The following SLC9D1 variants were observed in gnomAD, a reference collection of about 807,000 sequenced individuals.
SLC9D1 encodes the protein solute carrier family 9 member D1.
At chr13:113,522,788 C>T in the SLC9D1 span, among the ~76,000 whole-genome samples, 7 of 152,004 alleles carry the variant, frequency 4.6e-5, no homozygotes, top group Admixed American at 2.0e-4. Flanking sequence ...TGCACCACCA[C>T]GCCCAGCTAA....
At chr13:113,519,338 G>A in the SLC9D1 span, among the ~76,000 whole-genome samples, 7 of 147,876 alleles carry the variant, frequency 4.7e-5, no homozygotes, top group African/African-American at 1.8e-4. Flanking sequence ...GAGCCACCGC[G>A]CCCAGCCGCT....
the SLC9D1 span, among the ~76,000 whole-genome samples, chr13:113,535,805 G>A: frequency 6.6e-6 from 1 of 152,082 alleles, no homozygotes; most frequent in African/African-American, 2.4e-5. The surrounding 1 kb of genome is among the most constrained non-coding windows in gnomAD (Gnocchi z 4.1). Context: ...GATGGCACTC[G>A]CTGTCTTCGC....
At chr13:113,538,346 C>T in the SLC9D1 span, among the ~76,000 whole-genome samples, 2 of 152,322 alleles carry the variant, frequency 1.3e-5, no homozygotes, top group Admixed American at 1.3e-4. Context: ...CTCTGCCCAC[C>T]TGCCCTCGGC....
chr13:113,497,971 A>G, the SLC9D1 span, among the ~76,000 whole-genome samples: 1 of 152,242 alleles, frequency 6.6e-6, no homozygotes, highest in East Asian at 1.9e-4. Context: ...TTTAGATAGT[A>G]GCTCCACATT....
At chr13:113,518,709 C>T in the SLC9D1 span, among the ~76,000 whole-genome samples, 9 of 152,250 alleles carry the variant, frequency 5.9e-5, no homozygotes, top group South Asian at 2.1e-4. Flanking sequence ...GGGTGAAAAT[C>T]GCTGATCTGT....
At chr13:113,545,577 C>G in the SLC9D1 span, among the ~76,000 whole-genome samples, 1 of 152,216 alleles carries the variant, frequency 6.6e-6, no homozygotes, top group Non-Finnish European at 1.5e-5. Context: ...ACCCCCACTC[C>G]GCCCCCAGGG....
At chr13:113,527,317 C>T in the SLC9D1 span, 1 of 152,202 alleles carries the variant, frequency 6.6e-6, no homozygotes, top group South Asian at 2.1e-4. Context: ...TAATCATTTC[C>T]TCTCTGTGTA....
the SLC9D1 span, among the ~76,000 whole-genome samples, chr13:113,537,167 A>G: frequency 1.3e-5 from 2 of 152,234 alleles, no homozygotes; most frequent in African/African-American, 2.4e-5. Context: ...ATATGCCGGC[A>G]GATTTTTTTG....
chr13:113,495,707 T>G, the SLC9D1 span: 1 of 1,613,054 alleles, frequency 6.2e-7, no homozygotes. Context: ...GAGGGGTGGC[T>G]GCCATGCAGA....
the SLC9D1 span, among the ~76,000 whole-genome samples, chr13:113,531,169 G>A: frequency 1.3e-5 from 2 of 152,280 alleles, no homozygotes; most frequent in African/African-American, 4.8e-5. Context: ...CGTGGAGTCA[G>A]TGTGAGAACC....
the SLC9D1 span, among the ~76,000 whole-genome samples, chr13:113,506,947 T>C: frequency 0.25 from 30,648 of 121,180 alleles, 3,166 homozygotes; most frequent in African/African-American, 0.4. Flanking sequence ...CTCGGGGGCT[T>C]GGCAAGAGGC....
At chr13:113,534,616 C>G in the SLC9D1 span, 1 of 262,916 alleles carries the variant, frequency 3.8e-6, no homozygotes, top group East Asian at 7.5e-5. Flanking sequence ...GAGTGAGAAC[C>G]CCTCTGCTAC....
At chr13:113,539,413 C>G in the SLC9D1 span, 1 of 1,613,642 alleles carries the variant, frequency 6.2e-7, no homozygotes, top group Non-Finnish European at 8.5e-7. The surrounding 1 kb of genome is among the most constrained non-coding windows in gnomAD (Gnocchi z 4.8). Flanking sequence ...CTGGAGCGCT[C>G]GTCTCCTCTC....
chr13:113,519,347 C>CTTTTTTT, the SLC9D1 span, among the ~76,000 whole-genome samples: 2 of 136,042 alleles, frequency 1.5e-5, no homozygotes, highest in Non-Finnish European at 1.6e-5. Flanking sequence ...CGCCCAGCCG[C>CTTTTTTT]TTTTTTTTTT....
chr13:113,499,004 A>G, the SLC9D1 span, among the ~76,000 whole-genome samples: 3 of 152,200 alleles, frequency 2.0e-5, no homozygotes, highest in South Asian at 2.1e-4. Flanking sequence ...TTTTATGATT[A>G]TTTCTTGATT....
the SLC9D1 span, chr13:113,496,034 T>TAGAGAGGGAGAGAGAG: frequency 7.6e-6 from 12 of 1,584,892 alleles, no homozygotes; most frequent in Admixed American, 1.7e-5. Context: ...AGGTCAGTCC[T>TAGAGAGGGAGAGAGAG]AGAGAGGGAG....
chr13:113,522,551 AG>A, the SLC9D1 span, among the ~76,000 whole-genome samples: 1 of 152,188 alleles, frequency 6.6e-6, no homozygotes, highest in Admixed American at 6.5e-5. Context: ...TGTGTTAGCC[AG>A]GATGGTCTCG....
At chr13:113,505,513 CAA>C in the SLC9D1 span, 2 of 152,100 alleles carry the variant, frequency 1.3e-5, no homozygotes, top group Admixed American at 1.3e-4. Flanking sequence ...TGCAAAGTAA[CAA>C]GAGCATCAGC....
the SLC9D1 span, chr13:113,510,544 T>C: frequency 1.1e-6 from 1 of 899,550 alleles, no homozygotes; most frequent in South Asian, 1.7e-5. Context: ...CTCTTAGGAC[T>C]TTCCTAACCA....
Sources: allele counts gnomAD v4.1 joint callset (sites outside exome capture counted in the v4.1 genomes callset), GRCh38; gene constraint gnomAD v4.1.1; non-coding constraint Gnocchi (gnomAD v3.1); transcripts MANE v1.5; gene names NCBI Gene and HGNC (gene_info 2026-07-23, HGNC 2026-07-21).